The following C2orf80 variants were observed in gnomAD, a reference collection of about 807,000 sequenced individuals.
C2orf80 encodes the protein chromosome 2 open reading frame 80, also known as uncharacterized protein C2orf80.
A neutral mutation model predicts 30.2 loss-of-function variants in C2orf80; 28 were observed. That is an observed-to-expected ratio of 0.93 (90% CI 0.69 to 1.27). C2orf80 has a LOEUF of 1.27. C2orf80 is among the 50% of genes most tolerant of loss of function. The pLI, the probability that C2orf80 is intolerant of heterozygous loss-of-function variation, is 0.00. For missense variants in C2orf80, 220 were observed against 231.0 expected (o/e 0.95, Z 0.31); for synonymous variants, 80 against 76.4 (o/e 1.05, Z -0.24).
intron 1 of C2orf80, among the ~76,000 whole-genome samples, chr2:208,188,738 C>T (rs983597935): frequency 3.3e-5 from 5 of 152,214 alleles, no homozygotes; most frequent in African/African-American, 7.2e-5. Context: ...CGTGAGCCAC[C>T]GTGCCCAGCC....
intron 6 of C2orf80, among the ~76,000 whole-genome samples, chr2:208,177,699 G>A (rs928363455): frequency 2.0e-5 from 3 of 152,148 alleles, no homozygotes; most frequent in Non-Finnish European, 4.4e-5. Flanking sequence ...GAACAGAGAA[G>A]GTGCTGAACA....
chr2:208,176,317 A>G (rs900769714), intron 6 of C2orf80, among the ~76,000 whole-genome samples: 1 of 152,172 alleles, frequency 6.6e-6, no homozygotes, highest in Non-Finnish European at 1.5e-5. Flanking sequence ...CTGGGATTAC[A>G]GGAGCCCACC....
At chr2:208,175,254 C>G (rs1446564574) in intron 6 of C2orf80, among the ~76,000 whole-genome samples, 1 of 151,552 alleles carries the variant, frequency 6.6e-6, no homozygotes, top group African/African-American at 2.4e-5. Context: ...AAGATCACAC[C>G]ACTGCACTCA....
chr2:208,176,946 TAC>T, intron 6 of C2orf80, among the ~76,000 whole-genome samples: 348 of 80,918 alleles, frequency 4.3e-3, no homozygotes, highest in African/African-American at 0.014. Flanking sequence ...CATATCTGTA[TAC>T]ATATCTGTAT....
intron 6 of C2orf80, among the ~76,000 whole-genome samples, chr2:208,175,958 T>C (rs1274741568): frequency 6.6e-6 from 1 of 152,128 alleles, no homozygotes; most frequent in Non-Finnish European, 1.5e-5. Flanking sequence ...GGCGGGGAGC[T>C]TGTGAGGCTC....
At chr2:208,175,201 A>G (rs375004379) in intron 6 of C2orf80, among the ~76,000 whole-genome samples, 1 of 80,880 alleles carries the variant, frequency 1.2e-5, no homozygotes, top group East Asian at 4.5e-4. Context: ...CGAGAGAATC[A>G]CTTGAACCCC....
In C2orf80 at chr2:208,180,798, C is replaced by T; in HGVS notation, c.313G>A (p.Glu105Lys). 1 of 1,613,596 alleles carries T rather than the reference C, an allele frequency of 6.2e-7. No individual in the cohort carries two copies. The highest frequency in any genetic ancestry group is 1.1e-5 in the South Asian group (1 of 91,044). The change falls in exon 6 of 9, where the codon GAA (glutamate) becomes AAA (lysine). Residue 105 changes from glutamate (E) to lysine (K), a missense_variant. Physicochemically the swap from Glu to Lys is moderately conservative, Grantham distance 56 (BLOSUM62 1). Coordinates refer to ENST00000341287, the MANE Select transcript of C2orf80 (RefSeq NM_001099334.3). ...GILMNSIPIEEVFKIYGADSS... is the reference protein window; with the variant it reads ...GILMNSIPIEKVFKIYGADSS... ...TCAGCCCCATAAATTTTAAAGACTT[C>T]CTCAATCGGGATACTGTTCTGTTAA... is the stretch of plus-strand genomic sequence containing the variant.
Position 208,172,000 on chromosome 2 carries a change from C to A in C2orf80, c.442G>T (p.Ala148Ser), listed in dbSNP as rs559550517. 1 of 1,613,642 alleles carries A rather than the reference C, an allele frequency of 6.2e-7. No individual in the cohort carries two copies. Among genetic ancestry groups the A allele is most frequent in the Non-Finnish European group, 8.5e-7 (1 of 1,179,574 alleles). The change falls in exon 7 of 9, where the codon GCC (alanine) becomes TCC (serine). Residue 148 changes from alanine to serine, a missense_variant. Coordinates refer to ENST00000341287, the MANE Select transcript of C2orf80 (RefSeq NM_001099334.3). ...TAACCAGGCTTACTCTGTTTGCGGG[C>A]GTATGCTGCTGCTTTGGGTGCTGTT... is the stretch of plus-strand genomic sequence containing the variant. The part of the protein sequence containing the change: ...MLTAPKAAAY[A>S]RKQSVKSRKV...
intron 8 of C2orf80, among the ~76,000 whole-genome samples, chr2:208,166,369 G>A (rs1695887077): frequency 6.6e-6 from 1 of 152,022 alleles, no homozygotes; most frequent in Non-Finnish European, 1.5e-5. Flanking sequence ...AGGAATACGT[G>A]GGTTCTTTGT....
intron 6 of C2orf80, among the ~76,000 whole-genome samples, chr2:208,175,642 C>T (rs995069383): frequency 1.3e-5 from 2 of 152,092 alleles, no homozygotes; most frequent in African/African-American, 4.8e-5. Flanking sequence ...TAAGCTTTTG[C>T]TTGGGAAGGA....
At chr2:208,180,406 C>T (rs1022248213) in intron 6 of C2orf80, among the ~76,000 whole-genome samples, 1 of 151,354 alleles carries the variant, frequency 6.6e-6, no homozygotes, top group African/African-American at 2.4e-5. Flanking sequence ...GCCGAGATCG[C>T]ACCACTATAC....
At chr2:208,179,321 G>A (rs1380489806) in intron 6 of C2orf80, among the ~76,000 whole-genome samples, 1 of 152,236 alleles carries the variant, frequency 6.6e-6, no homozygotes, top group African/African-American at 2.4e-5. Flanking sequence ...TTCTAAGGTG[G>A]ACCTGGTGGG....
chr2:208,173,689 G>C (rs1696185767), intron 6 of C2orf80, among the ~76,000 whole-genome samples: 1 of 152,050 alleles, frequency 6.6e-6, no homozygotes, highest in South Asian at 2.1e-4. Flanking sequence ...ACAATATATA[G>C]ATTAGAAATG....
chr2:208,183,027 G>A lies in C2orf80; in HGVS notation c.144C>T (p.Ile48=), dbSNP rs1322920234. The part of the protein sequence containing the change: ...LDDMAHYDLA[I]SVALQWLDPS... ...GATCCAGCCATTGCAAAGCAACACT[G>A]ATGGCCAAGTCATAGTGTGCCTGGG... The change falls in exon 4 of 9, where the codon ATC becomes ATT. Residue 48 remains isoleucine (I), a synonymous_variant. Coordinates refer to ENST00000341287, the MANE Select transcript of C2orf80 (RefSeq NM_001099334.3). 1 of 1,613,886 alleles carries A rather than the reference G, an allele frequency of 6.2e-7. No homozygotes were observed. The highest frequency in any genetic ancestry group is 1.3e-5 in the African/African-American group (1 of 74,896).
intron 6 of C2orf80, among the ~76,000 whole-genome samples, chr2:208,178,985 C>G (rs1198338649): frequency 2.0e-5 from 3 of 152,102 alleles, no homozygotes; most frequent in Non-Finnish European, 4.4e-5. Context: ...TCTCAAACTC[C>G]CGACCTCAGG....
At chr2:208,188,922 A>G (rs1696798255) in intron 1 of C2orf80, among the ~76,000 whole-genome samples, 1 of 152,188 alleles carries the variant, frequency 6.6e-6, no homozygotes, top group South Asian at 2.1e-4. Flanking sequence ...GCAGCAAGCC[A>G]TAGAGGTGGC....
At chr2:208,169,316 T>C (rs1696018207) in intron 8 of C2orf80, among the ~76,000 whole-genome samples, 1 of 132,158 alleles carries the variant, frequency 7.6e-6, no homozygotes, top group African/African-American at 2.7e-5. Flanking sequence ...TTGTTACTGT[T>C]TTTTCATTGT....
rs566877163 is a variant in C2orf80 at position 208,178,902 on chromosome 2, C to T, written c.366+1843G>A. On this transcript the variant is annotated intron_variant, in intron 6 of 8. Transcript: ENST00000341287. ...CCTCCCTGGTAGTTGGGATTACAGG[C>T]GACCGCCACCACACCTGGCAAATTT... Among the ~76,000 whole-genome samples the T allele has an allele frequency of 8.5e-5, 13 of 152,142 alleles. No individual in the cohort carries two copies. In the East Asian group the frequency reaches 2.1e-3, roughly 25 times the overall value.
intron 7 of C2orf80, among the ~76,000 whole-genome samples, chr2:208,171,356 T>C (rs1696092345): frequency 6.6e-6 from 1 of 152,138 alleles, no homozygotes; most frequent in South Asian, 2.1e-4. Flanking sequence ...GTTTCACTCT[T>C]GTTGCCCAGG....
Sources: allele counts gnomAD v4.1 joint callset (sites outside exome capture counted in the v4.1 genomes callset), GRCh38; gene constraint gnomAD v4.1.1; transcripts MANE v1.5; gene names NCBI Gene and HGNC (gene_info 2026-07-23, HGNC 2026-07-21).